SMYD3: variants seen among roughly 807,000 people sequenced by gnomAD.
The protein encoded by SMYD3 is histone-lysine N-methyltransferase SMYD3.
SMYD3 carries 36 observed loss-of-function variants against 57.7 expected under a neutral mutation model. That is an observed-to-expected ratio of 0.62 (90% CI 0.48 to 0.82). SMYD3 has a LOEUF of 0.82. Ranked by LOEUF, SMYD3 falls within the 40% of genes least tolerant of loss-of-function variation. The pLI, the probability that SMYD3 is intolerant of heterozygous loss-of-function variation, is 0.00. For synonymous variants in SMYD3, 211 were observed against 195.0 expected (o/e 1.08, Z -0.68); for missense variants, 515 against 538.8 (o/e 0.96, Z 0.44).
intron 5 of SMYD3, among the ~76,000 whole-genome samples, chr1:246,153,182 AC>A (rs1433475828): frequency 6.6e-6 from 1 of 152,148 alleles, no homozygotes; most frequent in Non-Finnish European, 1.5e-5. Flanking sequence ...AACAGAAGCC[AC>A]AGCCCTGCTA....
intron 5 of SMYD3, among the ~76,000 whole-genome samples, chr1:246,289,062 C>T (rs1046076802): frequency 6.6e-6 from 1 of 152,102 alleles, no homozygotes; most frequent in Non-Finnish European, 1.5e-5. Flanking sequence ...TTGCAGTGAG[C>T]CAAGATTGCG....
At chr1:246,286,102 TA>T (rs1395558609) in intron 5 of SMYD3, among the ~76,000 whole-genome samples, 8 of 152,072 alleles carry the variant, frequency 5.3e-5, no homozygotes, top group Non-Finnish European at 1.2e-4. Flanking sequence ...AGAACTAAAG[TA>T]GAACTACCAT....
intron 5 of SMYD3, among the ~76,000 whole-genome samples, chr1:246,013,953 G>T (rs761945239): frequency 6.6e-6 from 1 of 152,140 alleles, no homozygotes; most frequent in African/African-American, 2.4e-5. Context: ...GAATACAGAG[G>T]AAAAAATTAA....
chr1:246,284,378 G>A (rs2064513058), intron 5 of SMYD3, among the ~76,000 whole-genome samples: 1 of 151,836 alleles, frequency 6.6e-6, no homozygotes, highest in African/African-American at 2.4e-5. Flanking sequence ...TGAAACATGA[G>A]CAAAATTTCC....
chr1:245,824,571 A>G (rs1023253983), intron 10 of SMYD3, among the ~76,000 whole-genome samples: 7 of 151,548 alleles, frequency 4.6e-5, no homozygotes, highest in Non-Finnish European at 7.4e-5. Flanking sequence ...TATAAAAATT[A>G]GCAGCCAGGC....
intron 5 of SMYD3, among the ~76,000 whole-genome samples, chr1:246,089,147 T>C (rs2060777920): frequency 6.6e-6 from 1 of 152,044 alleles, no homozygotes; most frequent in Middle Eastern, 3.4e-3. Context: ...CCAGCTAATT[T>C]TTGTACTTTT....
Position 245,827,766 on chromosome 1 carries a change from T to C in SMYD3, c.1076+30730A>G, listed in dbSNP as rs1310953781. On this transcript the variant is annotated intron_variant, in intron 10 of 11. Transcript: ENST00000490107. ...TGCAATCTAAGAGCTGGGTGGGCCC[T>C]GCCTTATCACACTTATTTTCCAGGT... Among the ~76,000 whole-genome samples the C allele has an allele frequency of 2.0e-5, 3 of 152,220 alleles. No individual in the cohort carries two copies. In the East Asian group the frequency reaches 5.8e-4, roughly 29 times the overall value.
intron 5 of SMYD3, among the ~76,000 whole-genome samples, chr1:246,086,371 G>A (rs1205394781): frequency 6.6e-6 from 1 of 152,054 alleles, no homozygotes; most frequent in Non-Finnish European, 1.5e-5. Context: ...CCTAATAAAT[G>A]TTTGTATCTG....
intron 5 of SMYD3, among the ~76,000 whole-genome samples, chr1:245,962,706 G>A (rs144306202): frequency 1.3e-5 from 2 of 149,202 alleles, no homozygotes; most frequent in East Asian, 2.4e-4. Flanking sequence ...CTCAACAACC[G>A]CAAAACCAAT....
At chr1:246,396,400 C>T (rs541191157) in intron 1 of SMYD3, among the ~76,000 whole-genome samples, 2 of 152,240 alleles carry the variant, frequency 1.3e-5, no homozygotes, top group East Asian at 1.9e-4. Context: ...ACAAAGCTCT[C>T]GAAGTTTCTG....
intron 5 of SMYD3, among the ~76,000 whole-genome samples, chr1:246,031,566 T>C (rs1356581005): frequency 1.3e-5 from 2 of 151,920 alleles, no homozygotes; most frequent in African/African-American, 4.8e-5. Flanking sequence ...TGAAACCCCA[T>C]CTCTACTAAA....
intron 1 of SMYD3, among the ~76,000 whole-genome samples, chr1:246,392,235 G>C (rs890012145): frequency 6.6e-6 from 1 of 152,110 alleles, no homozygotes; most frequent in African/African-American, 2.4e-5. Flanking sequence ...GAAGGACCAA[G>C]GTTGGTGAAA....
intron 5 of SMYD3, chr1:246,110,013 C>T (rs1345349390): frequency 6.6e-6 from 1 of 152,240 alleles, no homozygotes; most frequent in Admixed American, 6.5e-5. Flanking sequence ...AAAGTTGGTG[C>T]TTCAGCTGCA....
At chr1:246,378,552 CG>C (rs59653797) in intron 1 of SMYD3, among the ~76,000 whole-genome samples, 5,875 of 149,310 alleles carry the variant, frequency 0.039, 401 homozygotes, top group African/African-American at 0.14. Context: ...TTTTGAAACT[CG>C]GACTGGCTCT....
At chr1:245,884,913 C>T (rs1425263951) in intron 8 of SMYD3, among the ~76,000 whole-genome samples, 1 of 152,028 alleles carries the variant, frequency 6.6e-6, no homozygotes, top group Non-Finnish European at 1.5e-5. Flanking sequence ...ACAGCGGCAA[C>T]CCACTCGGGT....
chr1:245,869,747 C>T (rs1162917486), intron 8 of SMYD3, among the ~76,000 whole-genome samples: 2 of 152,222 alleles, frequency 1.3e-5, no homozygotes, highest in Non-Finnish European at 2.9e-5. Context: ...TCTCTGACTT[C>T]ACTGCACCCA....
intron 8 of SMYD3, among the ~76,000 whole-genome samples, chr1:245,908,069 G>A (rs1214290236): frequency 2.6e-5 from 4 of 152,066 alleles, no homozygotes; most frequent in African/African-American, 4.8e-5. Context: ...CAGGGAGTTG[G>A]AGGTTGCAGT....
At chr1:246,050,785 GA>G (rs536851650) in intron 5 of SMYD3, among the ~76,000 whole-genome samples, 66 of 152,308 alleles carry the variant, frequency 4.3e-4, no homozygotes, top group African/African-American at 1.6e-3. Context: ...CTCCTCCCAA[GA>G]GGAGGTGTAA....
chr1:245,864,642 G>A (rs1045413755), intron 8 of SMYD3, among the ~76,000 whole-genome samples: 1 of 152,156 alleles, frequency 6.6e-6, no homozygotes, highest in African/African-American at 2.4e-5. Flanking sequence ...CTGCTAATGG[G>A]TAGGAGTTTC....
Sources: gnomAD v4.1 joint callset for allele counts (sites outside exome capture counted in the v4.1 genomes callset) on GRCh38, gnomAD v4.1.1 for gene constraint, MANE v1.5 for transcripts, NCBI Gene and HGNC (gene_info 2026-07-23, HGNC 2026-07-21) for gene names.